KAT8: variants seen among roughly 807,000 people sequenced by gnomAD.
KAT8 encodes the protein lysine acetyltransferase 8, also known as histone acetyltransferase KAT8.
In KAT8, 40 loss-of-function variants were observed where a neutral mutation model predicts 62.9. That is an observed-to-expected ratio of 0.64 (90% CI 0.49 to 0.83). KAT8 has a LOEUF of 0.83. KAT8 is among the 40% of genes least tolerant of loss of function. The probability of loss-of-function intolerance (pLI) is 0.00; values close to 1 mark genes in which losing one functional copy is unlikely to be tolerated. For synonymous variants in KAT8, 278 were observed against 254.5 expected (o/e 1.09, Z -0.88); for missense variants, 387 against 614.8 (o/e 0.63, Z 3.92).
Position 31,117,744 on chromosome 16 carries a change from C to A in KAT8, c.63C>A (p.Gly21=). The A allele has an allele frequency of 7.3e-7, 1 of 1,377,404 alleles. No homozygotes were observed. The highest frequency in any genetic ancestry group is 9.4e-7 in the Non-Finnish European group (1 of 1,058,634). The allele number at this position is 1,377,404 out of a possible 1,614,324, so 85.3% of individuals were successfully genotyped here. ...AAGTSGVAGE[G]EPGPGENAAA... ...GGACTTCAGGGGTCGCGGGGGAGGG[C>A]GAGCCCGGGCCCGGGGAGAATGCGG... Residue 21 remains glycine, a synonymous_variant, in exon 1 of 11, where the codon GGC becomes GGA. Transcript: ENST00000219797.
rs537253665 is a variant in KAT8 at position 31,126,927 on chromosome 16, C to G, written c.463-108C>G. ...TATTGGTGTGGTTATTATTGCCATC[C>G]AGGAATGAGGTCTGGTAGACGGCAG... On this transcript the variant is annotated intron_variant, in intron 3 of 10. Transcript: ENST00000219797. 3.3e-6 allele frequency: 4 copies of G among 1,199,578 alleles called. No homozygotes were observed. In the Admixed American group the frequency reaches 7.3e-5, roughly 22 times the overall value. The allele number at this position is 1,199,578 out of a possible 1,614,324, so 74.3% of individuals were successfully genotyped here.
chr16:31,129,152 G>T (rs907446253), intron 6 of KAT8, among the ~76,000 whole-genome samples: 2 of 152,222 alleles, frequency 1.3e-5, no homozygotes, highest in African/African-American at 4.8e-5. Flanking sequence ...GACAGCAAAT[G>T]TCAAGTGTTT....
Position 31,117,696 on chromosome 16 carries a change from A to AGCT in KAT8, c.21_23dup (p.Ala9dup), listed in dbSNP as rs1488340437. On this transcript the variant is annotated inframe_insertion, in exon 1 of 11. Coordinates refer to ENST00000219797, the MANE Select transcript of KAT8 (RefSeq NM_032188.3). ...CCCTTCCCGCGATGGCGGCACAGGG[A>AGCT]GCTGCTGCGGCGGTTGCGGCGGGGA... 7.1e-7 allele frequency: 1 copy of AGCT among 1,400,242 alleles called. No individual in the cohort carries two copies. Among genetic ancestry groups the AGCT allele is most frequent in the Admixed American group, 3.4e-5 (1 of 29,000 alleles). 86.7% of individuals were successfully genotyped at this position (1,400,242 alleles called of 1,614,324 possible).
chr16:31,118,657 TTC>T (rs1455189527), intron 1 of KAT8: 1 of 152,100 alleles, frequency 6.6e-6, no homozygotes, highest in African/African-American at 2.4e-5. Flanking sequence ...TGTTGTAATT[TTC>T]TCTCTCTGTC....
intron 1 of KAT8, chr16:31,118,430 C>T (rs2057467421): frequency 6.6e-6 from 1 of 152,374 alleles, no homozygotes; most frequent in Non-Finnish European, 1.5e-5. Flanking sequence ...ACACTGTGCC[C>T]TCTGAAGACC....
chr16:31,126,761 C>T, intron 3 of KAT8: 1 of 476,656 alleles, frequency 2.1e-6, no homozygotes, highest in Non-Finnish European at 3.8e-6. Flanking sequence ...CAGCTGAAGC[C>T]CCATCCTGAT....
At chr16:31,128,419 C>T (rs1274230851) in intron 6 of KAT8, among the ~76,000 whole-genome samples, 4 of 152,152 alleles carry the variant, frequency 2.6e-5, no homozygotes, top group Non-Finnish European at 5.9e-5. Flanking sequence ...GTGGTGCGCA[C>T]CTGTAATCCC....
chr16:31,117,900 CGGGGCCCAGGGCTG>C lies in KAT8; in HGVS notation c.211+14_211+27del. ...GACCGGATAGCACCTGGCGTGAGGG[CGGGGCCCAGGGCTG>C]GGGGCGGGGCGGAGCTCAGGGCCAG... On this transcript the variant is annotated intron_variant, in intron 1 of 10. Transcript: ENST00000219797. 2 of 776,558 alleles carry C rather than the reference CGGGGCCCAGGGCTG, an allele frequency of 2.6e-6. No individual in the cohort carries two copies. The highest frequency in any genetic ancestry group is 6.4e-5 in the Admixed American group (1 of 15,678). 48.1% of individuals were successfully genotyped at this position (776,558 alleles called of 1,614,324 possible). A position where few individuals can be genotyped will look rare whatever the true frequency, so the allele number is the denominator to read the frequency against.
chr16:31,130,641 T>C, intron 9 of KAT8, 35 bp downstream of exon 9: 1 of 1,612,178 alleles, frequency 6.2e-7, no homozygotes, highest in Middle Eastern at 1.7e-4. Context: ...GGGCAGGACT[T>C]GCCCTGAGAT....
chr16:31,119,508 CA>C (rs909451208), intron 1 of KAT8, among the ~76,000 whole-genome samples: 22 of 152,338 alleles, frequency 1.4e-4, no homozygotes, highest in African/African-American at 5.1e-4. Flanking sequence ...GATCCCTGAA[CA>C]AATGAACAAC....
At chr16:31,126,923 C>T in intron 3 of KAT8, 112 bp from the exon 4 acceptor site, 1 of 1,150,320 alleles carries the variant, frequency 8.7e-7, no homozygotes, top group African/African-American at 1.5e-5. Context: ...TTATTATTGC[C>T]ATCCAGGAAT....
intron 3 of KAT8, among the ~76,000 whole-genome samples, chr16:31,121,403 G>A (rs2057492440): frequency 6.6e-6 from 1 of 152,078 alleles, no homozygotes; most frequent in Non-Finnish European, 1.5e-5. Flanking sequence ...TTACAGGCGT[G>A]AGCTACTGCG....
chr16:31,130,213 A>G, intron 7 of KAT8, 54 bp from the exon 8 acceptor site: 1 of 1,613,336 alleles, frequency 6.2e-7, no homozygotes, highest in Non-Finnish European at 8.5e-7. Context: ...GGTGGGCATG[A>G]ACAGAGAGTG....
intron 6 of KAT8, among the ~76,000 whole-genome samples, chr16:31,129,098 A>G (rs1054912603): frequency 6.6e-6 from 1 of 152,236 alleles, no homozygotes; most frequent in African/African-American, 2.4e-5. Context: ...CGGGAGTCAT[A>G]ATATTTAATA....
In KAT8 at chr16:31,130,176, C is replaced by A. The variant is rs902324361; in HGVS notation, c.912+19C>A. On this transcript the variant is annotated intron_variant, in intron 7 of 10. Transcript: ENST00000219797. ...CTCCAAGGTGCTGGGTCTGGAAACT[C>A]GGGGTGGGGAGGGTGGGGAGGGCGA... The A allele has an allele frequency of 4.1e-6, 1 of 244,270 alleles. No individual in the cohort carries two copies. The highest frequency in any genetic ancestry group is 8.7e-5 in the East Asian group (1 of 11,556). 15.1% of individuals were successfully genotyped at this position (244,270 alleles called of 1,614,324 possible). A position where few individuals can be genotyped will look rare whatever the true frequency, so the allele number is the denominator to read the frequency against.
intron 10 of KAT8, 84 bp from the exon 11 acceptor site, chr16:31,131,111 C>A: frequency 1.9e-6 from 3 of 1,575,666 alleles, no homozygotes; most frequent in South Asian, 1.2e-5. Flanking sequence ...GGAGGTGAAA[C>A]TGGCCTGAGC....
Position 31,131,235 on chromosome 16 carries a change from G to C in KAT8, c.1353G>C (p.Lys451Asn). ...TCAAGTGGGCACCCCCCAAGCACAA[G>C]CAAGTCAAGCTCTCCAAGAAGTGAG... is the stretch of plus-strand genomic sequence containing the variant. ...VCLKWAPPKH[K>N]QVKLSKK Residue 451 changes from lysine to asparagine, a missense_variant, in exon 11 of 11, where the codon AAG becomes AAC. By Grantham distance (94) the Lys-to-Asn change is moderately conservative (BLOSUM62 0). This residue lies in a region of KAT8 where 75 missense variants were observed against 105.7 expected (regional missense o/e 0.71). Transcript: ENST00000219797. 6.2e-7 allele frequency: 1 copy of C among 1,614,156 alleles called. No homozygotes were observed. The highest frequency in any genetic ancestry group is 8.5e-7 in the Non-Finnish European group (1 of 1,180,000).
At chr16:31,120,038 T>A in intron 1 of KAT8, 148 bp from the exon 2 acceptor site, 1 of 675,556 alleles carries the variant, frequency 1.5e-6, no homozygotes. Flanking sequence ...ACCTCACAGT[T>A]GTGGCAGTGA....
chr16:31,119,207 T>C (rs1384339881), intron 1 of KAT8, among the ~76,000 whole-genome samples: 2 of 152,214 alleles, frequency 1.3e-5, no homozygotes, highest in Admixed American at 6.5e-5. Context: ...TGGAGTGCAG[T>C]GGCGCCATCT....
Sources: gnomAD v4.1 joint callset for allele counts (sites outside exome capture counted in the v4.1 genomes callset) on GRCh38, gnomAD v4.1.1 for gene constraint, gnomAD v4.1.1 regional missense constraint, MANE v1.5 for transcripts, NCBI Gene and HGNC (gene_info 2026-07-23, HGNC 2026-07-21) for gene names.